CSMD1: variants seen among roughly 807,000 people sequenced by gnomAD.
CSMD1 encodes the protein CUB and Sushi multiple domains 1.
Under a neutral mutation model 417.5 loss-of-function variants are expected in CSMD1, and 213 were observed. The ratio of observed to expected loss-of-function variants is 0.51; its 90% CI spans 0.46 to 0.57. The LOEUF (loss-of-function observed/expected upper bound fraction) is 0.57. Among genes scored for constraint, CSMD1 ranks in the 20% least tolerant of loss-of-function variants. The pLI, the probability that CSMD1 is intolerant of heterozygous loss-of-function variation, is 0.00. For missense variants in CSMD1, 6,923 were observed against 4,529.7 expected, an observed-to-expected ratio of 1.53 and a Z score of -15.17; for synonymous variants, 2,862 against 1,736.8, an observed-to-expected ratio of 1.65 and a Z score of -16.11.
chr8:4,174,570 G>A (rs537786909), intron 3 of CSMD1, among the ~76,000 whole-genome samples: 2 of 150,446 alleles, frequency 1.3e-5, no homozygotes, highest in South Asian at 2.1e-4. Flanking sequence ...AATACTGCAT[G>A]CACTCTGGCT....
At chr8:4,444,666 G>C (rs1015905697) in intron 2 of CSMD1, among the ~76,000 whole-genome samples, 4 of 152,136 alleles carry the variant, frequency 2.6e-5, no homozygotes, top group African/African-American at 7.2e-5. Flanking sequence ...TTGTAATTGT[G>C]ATGACATGTT....
intron 3 of CSMD1, among the ~76,000 whole-genome samples, chr8:4,332,291 C>G (rs995760964): frequency 6.6e-6 from 1 of 152,136 alleles, no homozygotes; most frequent in African/African-American, 2.4e-5. Context: ...CTCCAAGCCT[C>G]TCTTGGAGAT....
At chr8:4,386,394 T>A (rs1329491925) in intron 3 of CSMD1, among the ~76,000 whole-genome samples, 1 of 152,086 alleles carries the variant, frequency 6.6e-6, no homozygotes, top group Non-Finnish European at 1.5e-5. Context: ...CTAAGTTCCA[T>A]CCCCGGTTAT....
At chr8:3,051,869 A>G (rs79048421) in intron 50 of CSMD1, among the ~76,000 whole-genome samples, 2,428 of 152,302 alleles carry the variant, frequency 0.016, 24 homozygotes, top group East Asian at 0.032. Flanking sequence ...CTATTATTCC[A>G]TAAGACTAGA....
intron 1 of CSMD1, among the ~76,000 whole-genome samples, chr8:4,813,080 T>G (rs951368445): frequency 6.6e-6 from 1 of 152,236 alleles, no homozygotes; most frequent in Non-Finnish European, 1.5e-5. Flanking sequence ...GGTAGATATT[T>G]ATGCATGATT....
intron 5 of CSMD1, among the ~76,000 whole-genome samples, chr8:3,760,522 T>G (rs1025730932): frequency 2.0e-5 from 3 of 152,188 alleles, no homozygotes; most frequent in Non-Finnish European, 2.9e-5. Flanking sequence ...TCATGTAACC[T>G]CCCTCAGCCT....
At chr8:4,831,518 AT>A (rs145070437) in intron 1 of CSMD1, among the ~76,000 whole-genome samples, 55 of 151,396 alleles carry the variant, frequency 3.6e-4, no homozygotes, top group African/African-American at 5.3e-4. Flanking sequence ...CATGGTACAT[AT>A]TTTTTTTTAA....
At chr8:4,426,554 TTACTA>T (rs922242944) in intron 2 of CSMD1, among the ~76,000 whole-genome samples, 1 of 147,418 alleles carries the variant, frequency 6.8e-6, no homozygotes, top group Non-Finnish European at 1.5e-5. Context: ...TATAGGATAT[TTACTA>T]TAGTATAGTA....
chr8:3,279,151 C>A (rs1802538061), intron 26 of CSMD1: 1 of 152,210 alleles, frequency 6.6e-6, no homozygotes, highest in South Asian at 2.1e-4. Context: ...TCTTCGTGTT[C>A]CAGCCTGAGA....
intron 3 of CSMD1, among the ~76,000 whole-genome samples, chr8:4,061,785 C>A (rs950921706): frequency 2.0e-5 from 3 of 152,160 alleles, no homozygotes; most frequent in African/African-American, 7.2e-5. Context: ...AAGGAGTTCT[C>A]CATTTGCAGT....
chr8:4,262,646 G>C (rs991174448), intron 3 of CSMD1, among the ~76,000 whole-genome samples: 3 of 151,994 alleles, frequency 2.0e-5, no homozygotes, highest in African/African-American at 7.2e-5. Context: ...GTTAGCCTGG[G>C]GCTGAAAGAG....
chr8:4,145,318 TTTTTTGAGGAAAAAA>T (rs1804045243), intron 3 of CSMD1, among the ~76,000 whole-genome samples: 3 of 151,104 alleles, frequency 2.0e-5, no homozygotes, highest in Non-Finnish European at 2.9e-5. Context: ...GTACTCACCA[TTTTTTGAGGAAAAAA>T]ATGATCCAAT....
At chr8:3,493,785 T>C (rs13260183) in intron 10 of CSMD1, 59 bp from the exon 11 acceptor site, 32 of 1,408,834 alleles carry the variant, frequency 2.3e-5, no homozygotes, top group Admixed American at 1.2e-4. Context: ...TGACTTTTAA[T>C]AGGTATTGCA....
chr8:2,946,235 G>A (rs776410483), intron 68 of CSMD1, among the ~76,000 whole-genome samples: 38 of 152,164 alleles, frequency 2.5e-4, no homozygotes, highest in Non-Finnish European at 5.1e-4. Flanking sequence ...TATGCGATGC[G>A]TGACTGTCCT....
At chr8:3,900,094 T>C (rs1468546202) in intron 5 of CSMD1, among the ~76,000 whole-genome samples, 1 of 148,510 alleles carries the variant, frequency 6.7e-6, no homozygotes, top group Non-Finnish European at 1.5e-5. Flanking sequence ...AGCTGTGTGA[T>C]GGTGCAGCTG....
intron 3 of CSMD1, among the ~76,000 whole-genome samples, chr8:4,377,761 G>A (rs930212880): frequency 6.6e-6 from 1 of 152,088 alleles, no homozygotes. Context: ...AGGCTATCAG[G>A]AAAAAAGAAT....
At chr8:3,175,436 C>T (rs963728792) in intron 37 of CSMD1, among the ~76,000 whole-genome samples, 19 of 144,552 alleles carry the variant, frequency 1.3e-4, no homozygotes, top group Non-Finnish European at 2.6e-4. Flanking sequence ...TTTCATCCCT[C>T]CCTTCCCTCC....
chr8:3,028,844 T>G (rs1185028516), intron 51 of CSMD1, among the ~76,000 whole-genome samples: 1 of 152,202 alleles, frequency 6.6e-6, no homozygotes, highest in Non-Finnish European at 1.5e-5. Flanking sequence ...ATTTTTCTAT[T>G]TCACCATATT....
At chr8:4,696,090 A>G (rs1369457161) in intron 1 of CSMD1, among the ~76,000 whole-genome samples, 2 of 152,218 alleles carry the variant, frequency 1.3e-5, no homozygotes, top group Non-Finnish European at 1.5e-5. Flanking sequence ...TTCATGATCA[A>G]TCAACAGCCT....
Sources: allele counts gnomAD v4.1 joint callset (sites outside exome capture counted in the v4.1 genomes callset), GRCh38; gene constraint gnomAD v4.1.1; transcripts MANE v1.5; gene names NCBI Gene and HGNC (gene_info 2026-07-23, HGNC 2026-07-21).